The following GLYR1 variants were observed in gnomAD, a reference collection of about 807,000 sequenced individuals.
The protein encoded by GLYR1 is cytokine-like nuclear factor N-PAC.
Under a neutral mutation model 72.7 loss-of-function variants are expected in GLYR1, and 21 were observed. The ratio of observed to expected loss-of-function variants is 0.29; its 90% confidence interval spans 0.20 to 0.42. The LOEUF (loss-of-function observed/expected upper bound fraction) is 0.42, where lower values mean the gene tolerates loss of function less well. GLYR1 is among the 10% of genes least tolerant of loss of function. The pLI is 1.00. For synonymous variants in GLYR1, 392 were observed against 270.2 expected, an observed-to-expected ratio of 1.45 and a Z score of -4.42; for missense variants, 594 against 712.1, an observed-to-expected ratio of 0.83 and a Z score of 1.89.
chr16:4,831,080 CT>C (rs1442724557), intron 5 of GLYR1, among the ~76,000 whole-genome samples: 2 of 152,178 alleles, frequency 1.3e-5, no homozygotes, highest in African/African-American at 4.8e-5. Flanking sequence ...CAGTCCTCTA[CT>C]TTTAAGAAAG....
At chr16:4,846,795 C>T in intron 1 of GLYR1, 1 of 256,104 alleles carries the variant, frequency 3.9e-6, no homozygotes, top group Non-Finnish European at 7.6e-6. Flanking sequence ...GCTGAGCCGG[C>T]CGCACAGGTC....
chr16:4,808,612 AATAAAATAAAATAAC>A (rs2083138135), intron 15 of GLYR1, among the ~76,000 whole-genome samples: 1 of 152,198 alleles, frequency 6.6e-6, no homozygotes, highest in Non-Finnish European at 1.5e-5. Flanking sequence ...AATAAAATAA[AATAAAATAAAATAAC>A]ATAAAATAAA....
intron 13 of GLYR1, 129 bp from the exon 14 acceptor site, chr16:4,811,931 G>T: frequency 7.1e-7 from 1 of 1,413,292 alleles, no homozygotes; most frequent in Non-Finnish European, 9.5e-7. Context: ...CCGACAGACT[G>T]GCTCTTCCTC....
chr16:4,826,404 C>A (rs1387870467), intron 5 of GLYR1, among the ~76,000 whole-genome samples: 1 of 152,132 alleles, frequency 6.6e-6, no homozygotes, highest in East Asian at 1.9e-4. Flanking sequence ...CTGTGCCTAG[C>A]AGACTGACAG....
In GLYR1 at chr16:4,845,120, G is replaced by A. The variant is rs554081424; in HGVS notation, c.109C>T (p.Arg37Cys). 2 of 1,614,046 alleles carry A rather than the reference G, an allele frequency of 1.2e-6. No homozygotes were observed. Among genetic ancestry groups the A allele is most frequent in the South Asian group, 1.1e-5 (1 of 91,078 alleles). ...TTCACAAAGAAGCATTTCTTTCCGC[G>A]AGGTTTCTTCAAGTCCTTTGGTGGA... ...VNPPKDLKKP[R>C]GKKCFFVKFF... The change falls in exon 3 of 16, where the codon CGC (arginine) becomes TGC (cysteine). Residue 37 changes from arginine (R) to cysteine (C), a missense_variant. Physicochemically the swap from Arg to Cys is radical, Grantham distance 180. Transcript: ENST00000321919.
intron 12 of GLYR1, among the ~76,000 whole-genome samples, chr16:4,813,453 T>G (rs2083442569): frequency 6.6e-6 from 1 of 152,158 alleles, no homozygotes; most frequent in Non-Finnish European, 1.5e-5. Flanking sequence ...AGACAGCTGC[T>G]CAAACCCCAA....
rs773596993 is a variant in GLYR1 at position 4,821,352 on chromosome 16, C to T, written c.806+28G>A. The T allele has an allele frequency of 2.1e-5, 34 of 1,611,000 alleles. No individual in the cohort carries two copies. The Admixed American group carries it at 3.3e-4, about 16-fold the overall frequency. ...CCCACCCTCAGCAGAACCAGAGCCACTGGAGGCCTTTTCATCAAAGGTCCT... is the reference window on the plus strand; with the variant it reads ...CCCACCCTCAGCAGAACCAGAGCCATTGGAGGCCTTTTCATCAAAGGTCCT... On this transcript the variant is annotated intron_variant, in intron 9 of 15. Transcript: ENST00000321919.
chr16:4,837,585 A>G (rs776507929), intron 3 of GLYR1, among the ~76,000 whole-genome samples: 1 of 152,092 alleles, frequency 6.6e-6, no homozygotes, highest in Non-Finnish European at 1.5e-5. Flanking sequence ...AAAAGGAGAA[A>G]GGACGGGGAG....
chr16:4,832,599 C>G (rs73515188), intron 4 of GLYR1, 175 bp downstream of exon 4: 8 of 759,834 alleles, frequency 1.1e-5, no homozygotes, highest in South Asian at 2.1e-5. Context: ...GAAAGGTTAG[C>G]TGCATGGAGT....
At chr16:4,827,797 G>A (rs1436800719) in intron 5 of GLYR1, among the ~76,000 whole-genome samples, 1 of 151,942 alleles carries the variant, frequency 6.6e-6, no homozygotes, top group Non-Finnish European at 1.5e-5. Context: ...CTGCTCCAGA[G>A]GCTGAGGCAG....
At chr16:4,809,188 G>GTTTT (rs1263215689) in intron 15 of GLYR1, among the ~76,000 whole-genome samples, 6 of 95,246 alleles carry the variant, frequency 6.3e-5, no homozygotes, top group Admixed American at 1.2e-4. Flanking sequence ...AGCAGCTTTC[G>GTTTT]TTTTTTTTTT....
At chr16:4,837,581 A>C (rs2085225443) in intron 3 of GLYR1, among the ~76,000 whole-genome samples, 1 of 152,088 alleles carries the variant, frequency 6.6e-6, no homozygotes, top group African/African-American at 2.4e-5. Flanking sequence ...AGAGAAAAGG[A>C]GAAAGGACGG....
chr16:4,823,396 G>A (rs1436426680), intron 6 of GLYR1, among the ~76,000 whole-genome samples: 1 of 152,150 alleles, frequency 6.6e-6, no homozygotes, highest in African/African-American at 2.4e-5. Flanking sequence ...ACCTTCATGG[G>A]CTTTCCATAA....
At chr16:4,835,159 C>T (rs1013482296) in intron 3 of GLYR1, among the ~76,000 whole-genome samples, 1 of 152,134 alleles carries the variant, frequency 6.6e-6, no homozygotes, top group Non-Finnish European at 1.5e-5. Flanking sequence ...CAACAGACTC[C>T]GAGACTTGCT....
Position 4,822,899 on chromosome 16 carries a change from A to G in GLYR1, c.657T>C (p.His219=). ...PVKDADPHFH[H]FLLSQTEKPA... ...CCTTCTCTGTTTGGCTTAGCAGGAA[A>G]TGATGGAAATGAGGATCTGCATCTT... is the stretch of plus-strand genomic sequence containing the variant. Residue 219 remains histidine, a synonymous_variant, in exon 7 of 16, where the codon CAT becomes CAC. Transcript: ENST00000321919. 6.2e-7 allele frequency: 1 copy of G among 1,614,196 alleles called. No individual in the cohort carries two copies. The highest frequency in any genetic ancestry group is 8.5e-7 in the Non-Finnish European group (1 of 1,180,006).
rs781389128 is a variant in GLYR1 at position 4,847,282 on chromosome 16, C to G, written c.-17G>C. On this transcript the variant is annotated 5_prime_UTR_variant, in exon 1 of 16. Coordinates refer to ENST00000321919, the MANE Select transcript of GLYR1 (RefSeq NM_032569.4). Reference sequence around the variant, plus strand: ...AGCCGCCATCTTACCACCCAACCACCGCCGACGCACGGGCCGCCGGGAACA... The same window carrying G: ...AGCCGCCATCTTACCACCCAACCACGGCCGACGCACGGGCCGCCGGGAACA... 1 of 1,609,804 alleles carries G rather than the reference C, an allele frequency of 6.2e-7. No individual in the cohort carries two copies. The highest frequency in any genetic ancestry group is 1.1e-5 in the South Asian group (1 of 90,788).
intron 3 of GLYR1, among the ~76,000 whole-genome samples, chr16:4,838,202 A>T (rs1596397416): frequency 6.6e-6 from 1 of 152,178 alleles, no homozygotes; most frequent in Non-Finnish European, 1.5e-5. Context: ...GAAACGAAAA[A>T]GGGATGCTTC....
intron 5 of GLYR1, among the ~76,000 whole-genome samples, chr16:4,824,897 C>A (rs2084280945): frequency 6.6e-6 from 1 of 152,188 alleles, no homozygotes; most frequent in South Asian, 2.1e-4. Flanking sequence ...CTGAGGTTTT[C>A]TCAGTCTTAG....
At chr16:4,805,938 A>G (rs1478900375) in intron 15 of GLYR1, among the ~76,000 whole-genome samples, 4 of 152,294 alleles carry the variant, frequency 2.6e-5, no homozygotes, top group African/African-American at 7.2e-5. Context: ...CTGAGATCAC[A>G]CCACTGCACT....
Sources: allele counts gnomAD v4.1 joint callset (sites outside exome capture counted in the v4.1 genomes callset), GRCh38; gene constraint gnomAD v4.1.1; transcripts MANE v1.5; gene names NCBI Gene and HGNC (gene_info 2026-07-23, HGNC 2026-07-21).